The following MAGI1 variants were observed in gnomAD, a reference collection of about 807,000 sequenced individuals.
The protein encoded by MAGI1 is membrane associated guanylate kinase, WW and PDZ domain containing 1, also known as membrane-associated guanylate kinase, WW and PDZ domain-containing protein 1.
A neutral mutation model predicts 139.9 loss-of-function variants in MAGI1; 58 were observed. The observed-to-expected ratio is 0.41, with a 90% CI of 0.34 to 0.52. The LOEUF (loss-of-function observed/expected upper bound fraction) is 0.52. MAGI1 is among the 20% of genes least tolerant of loss of function. The pLI, the probability that MAGI1 is intolerant of heterozygous loss-of-function variation, is 0.12. For missense variants in MAGI1, 1,874 were observed against 1,901.6 expected (o/e 0.99, Z 0.27); for synonymous variants, 812 against 737.9 (o/e 1.10, Z -1.63).
intron 1 of MAGI1, among the ~76,000 whole-genome samples, chr3:65,703,395 T>TA (rs144347801): frequency 9.9e-5 from 15 of 151,770 alleles, no homozygotes; most frequent in South Asian, 4.2e-4. Context: ...AAAGACCCAA[T>TA]AAAAAAAAAT....
At chr3:65,661,946 A>C (rs577516244) in intron 1 of MAGI1, among the ~76,000 whole-genome samples, 30 of 151,436 alleles carry the variant, frequency 2.0e-4, no homozygotes, top group Non-Finnish European at 3.7e-4. Context: ...ACGGGGTTTC[A>C]CCATGTTAGC....
intron 6 of MAGI1, among the ~76,000 whole-genome samples, chr3:65,448,466 T>G (rs1948807922): frequency 6.6e-6 from 1 of 152,154 alleles, no homozygotes; most frequent in South Asian, 2.1e-4. Context: ...GTGAGGCAAT[T>G]ATACTCACAA....
intron 1 of MAGI1, among the ~76,000 whole-genome samples, chr3:65,900,416 A>T (rs942896815): frequency 6.6e-6 from 1 of 152,224 alleles, no homozygotes; most frequent in African/African-American, 2.4e-5. Context: ...AAATTAAAAG[A>T]GTCATGTATT....
chr3:65,391,110 C>G (rs751620641), intron 14 of MAGI1, 32 bp downstream of exon 14: 3 of 1,584,020 alleles, frequency 1.9e-6, no homozygotes, highest in Non-Finnish European at 2.6e-6. Context: ...GCGGAGGGGT[C>G]AGGGTAAGAC....
chr3:65,955,686 T>C (rs1221741353), intron 1 of MAGI1, among the ~76,000 whole-genome samples: 1 of 152,150 alleles, frequency 6.6e-6, no homozygotes, highest in Non-Finnish European at 1.5e-5. Context: ...GTCTTGTAAT[T>C]CTTATTTTTC....
chr3:65,842,095 C>A (rs2058827075), intron 1 of MAGI1, among the ~76,000 whole-genome samples: 1 of 152,148 alleles, frequency 6.6e-6, no homozygotes, highest in Non-Finnish European at 1.5e-5. Context: ...AGAGTATTGA[C>A]TCAAATTTTT....
At chr3:65,395,636 C>CAAAAAAAAAAAAAAAAAAAAACAAAA (rs58806140) in intron 13 of MAGI1, among the ~76,000 whole-genome samples, 1 of 19,172 alleles carries the variant, frequency 5.2e-5, no homozygotes, top group Non-Finnish European at 1.1e-4. Flanking sequence ...GACTCCATCT[C>CAAAAAAAAAAAAAAAAAAAAACAAAA]AAAAAAAAAA....
chr3:65,374,075 T>C (rs900569738), intron 18 of MAGI1, among the ~76,000 whole-genome samples: 6 of 152,156 alleles, frequency 3.9e-5, no homozygotes, highest in African/African-American at 1.4e-4. Context: ...ATTTTATAGA[T>C]ACATGGCATA....
chr3:65,478,092 C>A (rs903073376), intron 4 of MAGI1, among the ~76,000 whole-genome samples: 8 of 152,182 alleles, frequency 5.3e-5, no homozygotes, highest in African/African-American at 1.9e-4. Flanking sequence ...CGTAAGTTAA[C>A]TGAACACATA....
chr3:65,757,455 T>C (rs534661946), intron 1 of MAGI1, among the ~76,000 whole-genome samples: 1 of 152,258 alleles, frequency 6.6e-6, no homozygotes, highest in South Asian at 2.1e-4. Flanking sequence ...CTGGCCAACA[T>C]GGCGAAATCC....
intron 1 of MAGI1, among the ~76,000 whole-genome samples, chr3:65,763,160 G>A (rs182275191): frequency 1.1e-4 from 16 of 152,204 alleles, no homozygotes; most frequent in South Asian, 2.1e-4. Flanking sequence ...AGTCACATTC[G>A]TATCATCAAG....
chr3:65,516,147 A>T lies in MAGI1; in HGVS notation c.431-22516T>A, dbSNP rs527676809. Among the ~76,000 whole-genome samples the T allele has an allele frequency of 3.1e-4, 47 of 152,228 alleles. 1 individual carries two copies. The highest frequency in any genetic ancestry group is 2.3e-3 in the South Asian group (11 of 4,812). On this transcript the variant is annotated intron_variant, in intron 2 of 22. Coordinates refer to ENST00000402939, the MANE Select transcript of MAGI1 (RefSeq NM_001033057.2). ...CCTGAGCACAGAAGTTCAAGTCCAG[A>T]CTGGACAACATACCAAGACCCTGTC...
chr3:65,519,335 G>GACAC (rs35232258), intron 2 of MAGI1, among the ~76,000 whole-genome samples: 3 of 139,146 alleles, frequency 2.2e-5, no homozygotes, highest in African/African-American at 8.3e-5. Context: ...ATCATGATCT[G>GACAC]ACACACACAC....
intron 1 of MAGI1, among the ~76,000 whole-genome samples, chr3:65,830,843 C>T (rs995732905): frequency 2.6e-5 from 4 of 152,028 alleles, no homozygotes; most frequent in Admixed American, 2.0e-4. Flanking sequence ...GTGACATCTG[C>T]TAATACAAAT....
chr3:65,660,497 C>A (rs2086132896), intron 1 of MAGI1, among the ~76,000 whole-genome samples: 1 of 152,206 alleles, frequency 6.6e-6, no homozygotes, highest in South Asian at 2.1e-4. Context: ...GATTAGTCTT[C>A]TACAGGGAGG....
Position 65,622,304 on chromosome 3 carries a change from A to G in MAGI1, c.314-216T>C, listed in dbSNP as rs537016585. ...GCACTGGCAATGCATTAATTTAGAG[A>G]TCCTATCTCACATAATACTAGAAGG... On this transcript the variant is annotated intron_variant, in intron 1 of 22. Transcript: ENST00000402939. Among the ~76,000 whole-genome samples, 161 of 152,250 alleles carry G rather than the reference A, an allele frequency of 1.1e-3. 3 individuals carry two copies. Among genetic ancestry groups the G allele is most frequent in the Admixed American group, 9.3e-3 (143 of 15,302 alleles).
intron 3 of MAGI1, among the ~76,000 whole-genome samples, chr3:65,480,534 CAA>C (rs67341994): frequency 1.5e-5 from 2 of 131,180 alleles, no homozygotes; most frequent in Non-Finnish European, 3.2e-5. Flanking sequence ...GATCCTATCT[CAA>C]AAAAAAAAAA....
chr3:65,423,887 C>G (rs1191621464), intron 12 of MAGI1, among the ~76,000 whole-genome samples: 1 of 152,178 alleles, frequency 6.6e-6, no homozygotes, highest in African/African-American at 2.4e-5. Context: ...GTTTTCCCAA[C>G]TAAAACAGAA....
chr3:65,355,361 A>G lies in MAGI1; in HGVS notation c.*1017T>C, dbSNP rs1178019523. 1 of 152,196 alleles carries G rather than the reference A, an allele frequency of 6.6e-6. No individual in the cohort carries two copies. The highest frequency in any genetic ancestry group is 2.4e-5 in the African/African-American group (1 of 41,436). 9.4% of individuals were successfully genotyped at this position (152,196 alleles called of 1,614,324 possible). On this transcript the variant is annotated 3_prime_UTR_variant, in exon 23 of 23. Coordinates refer to ENST00000402939, the MANE Select transcript of MAGI1 (RefSeq NM_001033057.2). ...AGCCCTCACTTCTTTAAATATCAAC[A>G]GAGAGGTTCCTTCCACCAAGGCTCA...
Sources: allele counts gnomAD v4.1 joint callset (sites outside exome capture counted in the v4.1 genomes callset), GRCh38; gene constraint gnomAD v4.1.1; transcripts MANE v1.5; gene names NCBI Gene and HGNC (gene_info 2026-07-23, HGNC 2026-07-21).